The following ARID1B variants were observed in gnomAD, a reference collection of about 807,000 sequenced individuals.
ARID1B encodes the protein AT-rich interactive domain-containing protein 1B.
Under a neutral mutation model 212.3 loss-of-function variants are expected in ARID1B, and 30 were observed. That is an observed-to-expected ratio of 0.14 (90% CI 0.11 to 0.19). The LOEUF is 0.19. ARID1B is among the 10% of genes least tolerant of loss of function. ARID1B has a pLI of 1.00. For missense variants in ARID1B, 2,891 were observed against 3,204.0 expected (o/e 0.90, Z 2.36); for synonymous variants, 1,402 against 1,301.7 (o/e 1.08, Z -1.66).
At chr6:156,839,534 C>T (rs542648958) in intron 2 of ARID1B, among the ~76,000 whole-genome samples, 2 of 152,242 alleles carry the variant, frequency 1.3e-5, no homozygotes, top group Admixed American at 1.3e-4. Flanking sequence ...GACTAGAATC[C>T]CCTTCAGCTG....
At chr6:156,986,589 T>G (rs1233276611) in intron 4 of ARID1B, among the ~76,000 whole-genome samples, 1 of 152,194 alleles carries the variant, frequency 6.6e-6, no homozygotes, top group Non-Finnish European at 1.5e-5. Flanking sequence ...AACTTATGTC[T>G]TCGGTGAAGA....
At chr6:156,934,912 T>A (rs1230201394) in intron 3 of ARID1B, among the ~76,000 whole-genome samples, 6 of 52,692 alleles carry the variant, frequency 1.1e-4, no homozygotes, top group African/African-American at 2.9e-4. Context: ...TAGTTGTTAA[T>A]TATATATATA....
chr6:156,885,358 ATTAT>A (rs1224836874), intron 2 of ARID1B, among the ~76,000 whole-genome samples: 8 of 152,318 alleles, frequency 5.3e-5, no homozygotes, highest in East Asian at 1.9e-4. Context: ...TCATTTTATG[ATTAT>A]TTATTGAGTT....
chr6:157,089,547 C>T (rs1047876615), intron 5 of ARID1B, among the ~76,000 whole-genome samples: 3 of 152,134 alleles, frequency 2.0e-5, no homozygotes, highest in African/African-American at 4.8e-5. Flanking sequence ...TTGCACATTC[C>T]TGGGCTCCAG....
chr6:156,990,539 G>T (rs539323759), intron 4 of ARID1B, among the ~76,000 whole-genome samples: 1 of 152,246 alleles, frequency 6.6e-6, no homozygotes, highest in East Asian at 1.9e-4. Flanking sequence ...CACTCGGGAG[G>T]CTGAGGCAGG....
Position 157,084,773 on chromosome 6 carries a change from C to A in ARID1B, c.2359C>A (p.Gln787Lys), listed in dbSNP as rs753933273. The change falls in exon 5 of 20, where the codon CAG becomes AAG. Residue 787 changes from glutamine to lysine, a missense_variant. Gln to Lys is a moderately conservative substitution (Grantham distance 53). Around this residue, in one of 7 missense-constraint regions of ARID1B, gnomAD observed 1,643 missense variants for 1,544.0 expected, o/e 1.06. Coordinates refer to ENST00000636930, the MANE Select transcript of ARID1B (RefSeq NM_001374828.1). ...CCAAGGGGATCAGAGCAACCCGGCGCAGTCGCCTTTCTCCCCACATGCGTC... is the reference window on the plus strand; with the variant it reads ...CCAAGGGGATCAGAGCAACCCGGCGAAGTCGCCTTTCTCCCCACATGCGTC... Reference protein sequence around the residue: ...SSQGDQSNPAQSPFSPHASPH... With the variant: ...SSQGDQSNPAKSPFSPHASPH... The A allele has an allele frequency of 2.4e-5, 39 of 1,614,144 alleles. No individual in the cohort carries two copies. The highest frequency in any genetic ancestry group is 3.2e-5 in the Non-Finnish European group (38 of 1,180,000).
chr6:157,062,408 G>A (rs907615379), intron 4 of ARID1B, among the ~76,000 whole-genome samples: 1 of 151,786 alleles, frequency 6.6e-6, no homozygotes, highest in Admixed American at 6.6e-5. Context: ...GCATTGCCCA[G>A]GCTGGTCTTG....
At chr6:156,791,458 AC>A (rs11315590) in intron 1 of ARID1B, among the ~76,000 whole-genome samples, 1,597 of 152,364 alleles carry the variant, frequency 0.01, 24 homozygotes, top group African/African-American at 0.035. Context: ...GATGTTTAAG[AC>A]AACCCCTTAC....
chr6:157,103,309 T>C (rs1279500071), intron 5 of ARID1B, among the ~76,000 whole-genome samples: 1 of 152,140 alleles, frequency 6.6e-6, no homozygotes, highest in Non-Finnish European at 1.5e-5. Flanking sequence ...AGAGATATAA[T>C]ATAGCGGGGA....
At position 157,203,370 on chromosome 6, in the gene ARID1B, G is replaced by C. The variant is rs1184655356; in HGVS notation, c.5264-496G>C. 6.6e-6 allele frequency among the ~76,000 whole-genome samples: 1 copy of C among 152,222 alleles called. No individual in the cohort carries two copies. The highest frequency in any genetic ancestry group is 6.5e-5 in the Admixed American group (1 of 15,282). On this transcript the variant is annotated intron_variant, in intron 18 of 19. Coordinates refer to ENST00000636930, the MANE Select transcript of ARID1B (RefSeq NM_001374828.1). The surrounding 1 kb of genome is among the most constrained non-coding windows in gnomAD (Gnocchi z 4.4). ...ACAGGACTAGAGGAAAGCAGCCTGGGAAGCCAAGGCCGTGTGTCTGAGGAG... is the reference window on the plus strand; with the variant it reads ...ACAGGACTAGAGGAAAGCAGCCTGGCAAGCCAAGGCCGTGTGTCTGAGGAG...
chr6:157,070,736 A>T (rs140785859), intron 4 of ARID1B, among the ~76,000 whole-genome samples: 7 of 152,192 alleles, frequency 4.6e-5, no homozygotes, highest in South Asian at 2.1e-4. Flanking sequence ...ACATTGCTAG[A>T]TTAGGAACAG....
At position 157,209,843 on chromosome 6, in the gene ARID1B, T is replaced by G. The variant is rs1433089310; in HGVS notation, c.*1952T>G. ...GCTTTTTAATACTAGTCACTTCTAA[T>G]TTAAACTTTCTCTTCCTGGGTCATT... On this transcript the variant is annotated 3_prime_UTR_variant, in exon 20 of 20. Transcript: ENST00000636930. 18 of 233,134 alleles carry G rather than the reference T, an allele frequency of 7.7e-5. No homozygotes were observed. Among genetic ancestry groups the G allele is most frequent in the Non-Finnish European group, 1.2e-4 (14 of 118,038 alleles). 14.4% of individuals were successfully genotyped at this position (233,134 alleles called of 1,614,324 possible).
At chr6:157,102,416 G>C (rs1387857456) in intron 5 of ARID1B, among the ~76,000 whole-genome samples, 1 of 152,122 alleles carries the variant, frequency 6.6e-6, no homozygotes, top group African/African-American at 2.4e-5. Context: ...CCTGCATTAA[G>C]TGCTAAGGAA....
rs771546243 is a variant in ARID1B, at chr6:156,778,088, G to T, written c.408G>T (p.Ser136=). The change falls in exon 1 of 20, where the codon TCG becomes TCT. Residue 136 remains serine (S), a synonymous_variant. Coordinates refer to ENST00000636930, the MANE Select transcript of ARID1B (RefSeq NM_001374828.1). Reference sequence around the variant, plus strand: ...CGGCGGCATCCTCTTCCTCCTCGTCGGGCCCGGGCTCGGCCATGGAGACGG... The same window carrying T: ...CGGCGGCATCCTCTTCCTCCTCGTCTGGCCCGGGCTCGGCCATGGAGACGG... ...AAAAASSSSS[S]GPGSAMETGL... is the part of the protein sequence containing the mutation. 12 of 1,539,904 alleles carry T rather than the reference G, an allele frequency of 7.8e-6. No individual in the cohort carries two copies. The highest frequency in any genetic ancestry group is 9.6e-6 in the Non-Finnish European group (11 of 1,146,250).
At chr6:156,801,246 T>C (rs547327928) in intron 1 of ARID1B, among the ~76,000 whole-genome samples, 1 of 140,626 alleles carries the variant, frequency 7.1e-6, no homozygotes, top group South Asian at 2.4e-4. Context: ...TGTTGCCCAC[T>C]CTGGAGTGCA....
At position 157,203,941 on chromosome 6, in the gene ARID1B, C is replaced by G; in HGVS notation, c.5339C>G (p.Thr1780Ser). ...GCTGAGAGTACGTGGGCTTTGGACA[C>G]TATTAATATTCTTCTGTATGATGAC... ...LLAESTWALD[T>S]INILLYDDST... The change falls in exon 19 of 20, where the codon ACT (threonine) becomes AGT (serine). Residue 1780 changes from threonine (T) to serine (S), a missense_variant. Physicochemically the swap from Thr to Ser is moderately conservative, Grantham distance 58. Transcript: ENST00000636930. This position sits in a 1 kb window ranked among gnomAD's most constrained non-coding sequence, Gnocchi z 4.4. 6.2e-7 allele frequency: 1 copy of G among 1,614,140 alleles called. No individual in the cohort carries two copies. The highest frequency in any genetic ancestry group is 8.5e-7 in the Non-Finnish European group (1 of 1,180,002).
At chr6:156,841,011 C>T (rs1038948021) in intron 2 of ARID1B, among the ~76,000 whole-genome samples, 6 of 152,142 alleles carry the variant, frequency 3.9e-5, no homozygotes, top group Non-Finnish European at 1.5e-5. Flanking sequence ...TGAAGAAAGT[C>T]CCCAAGTAGT....
chr6:157,085,402 T>A (rs1281190820), intron 5 of ARID1B, among the ~76,000 whole-genome samples: 3 of 152,244 alleles, frequency 2.0e-5, no homozygotes, highest in Non-Finnish European at 4.4e-5. Context: ...TTCTTACTGA[T>A]ACAAACTCGT....
At position 156,986,635 on chromosome 6, in the gene ARID1B, A is replaced by G. The variant is rs145573102; in HGVS notation, c.2247+51059A>G. ...ATGTGCTTAGAGCATTGCCCGGCTC[A>G]TAGTAATTACTCAGTAAATGCTTGC... On this transcript the variant is annotated intron_variant, in intron 4 of 19. Coordinates refer to ENST00000636930, the MANE Select transcript of ARID1B (RefSeq NM_001374828.1). Among the ~76,000 whole-genome samples the G allele has an allele frequency of 3.0e-3, 454 of 152,340 alleles. 4 individuals carry two copies. Among genetic ancestry groups the G allele is most frequent in the African/African-American group, 0.01 (432 of 41,584 alleles).
Sources: gnomAD v4.1 joint callset for allele counts (sites outside exome capture counted in the v4.1 genomes callset) on GRCh38, gnomAD v4.1.1 for gene constraint, gnomAD v4.1.1 regional missense constraint, Gnocchi (gnomAD v3.1) non-coding constraint, MANE v1.5 for transcripts, NCBI Gene and HGNC (gene_info 2026-07-23, HGNC 2026-07-21) for gene names.